The following ECM2 variants were observed in gnomAD, a reference collection of about 807,000 sequenced individuals.
The protein encoded by ECM2 is extracellular matrix protein 2.
A neutral mutation model predicts 67.5 loss-of-function variants in ECM2; 57 were observed. The observed-to-expected ratio is 0.84, with a 90% CI of 0.68 to 1.05. ECM2 has a LOEUF of 1.05. Among genes scored for constraint, ECM2 ranks in the 50% least tolerant of loss-of-function variants. The pLI is 0.00. For missense variants in ECM2, 741 were observed against 822.8 expected (o/e 0.90, Z 1.22); for synonymous variants, 258 against 294.5 (o/e 0.88, Z 1.27).
At chr9:92,552,243 A>G in the ECM2 span, among the ~76,000 whole-genome samples, 1 of 151,004 alleles carries the variant, frequency 6.6e-6, no homozygotes, top group Non-Finnish European at 1.5e-5. Context: ...CCACTTGTTG[A>G]TTGATGGGCA....
At position 92,517,697 on chromosome 9, in the gene ECM2, G is replaced by C; in HGVS notation, c.471C>G (p.Cys157Trp). Residue 157 changes from cysteine (C) to tryptophan (W), a missense_variant, in exon 3 of 10, where the codon TGC becomes TGG. Coordinates refer to ENST00000344604, the MANE Select transcript of ECM2 (RefSeq NM_001393.4). ...VIPEGECCPV[C>W]SATVSYSLLS... Reference sequence around the variant, plus strand: ...GCTAAATCTCTGTACCAGTAGCGGAGCAGACCGGGCAGCATTCCCCTTCAG... The same window carrying C: ...GCTAAATCTCTGTACCAGTAGCGGACCAGACCGGGCAGCATTCCCCTTCAG... 1 of 1,614,162 alleles carries C rather than the reference G, an allele frequency of 6.2e-7. No individual in the cohort carries two copies. The highest frequency in any genetic ancestry group is 1.3e-5 in the African/African-American group (1 of 75,046).
At chr9:92,541,399 T>G (rs1013459543), upstream of ECM2, among the ~76,000 whole-genome samples, 2 of 136,288 alleles carry the variant, frequency 1.5e-5, no homozygotes, top group African/African-American at 2.9e-5. Flanking sequence ...CAACCTCCAC[T>G]GCCACCCCCC....
At chr9:92,547,001 G>T in the ECM2 span, among the ~76,000 whole-genome samples, 3 of 152,148 alleles carry the variant, frequency 2.0e-5, no homozygotes, top group South Asian at 6.2e-4. Context: ...TTGCAGGTCA[G>T]TCTCACTAAT....
intron 3 of ECM2, among the ~76,000 whole-genome samples, chr9:92,515,706 A>T (rs1450655885): frequency 6.6e-6 from 1 of 152,144 alleles, no homozygotes; most frequent in African/African-American, 2.4e-5. Context: ...TTGCTTATAG[A>T]TTTGTCATTA....
chr9:92,523,022 AT>A, intron 1 of ECM2, 129 bp from the exon 2 acceptor site: 3 of 862,284 alleles, frequency 3.5e-6, no homozygotes, highest in Non-Finnish European at 5.1e-6. Flanking sequence ...TATGGACTAT[AT>A]GCTATAGTAT....
intron 2 of ECM2, 57 bp downstream of exon 2, chr9:92,522,518 C>T: frequency 1.4e-6 from 2 of 1,455,958 alleles, no homozygotes; most frequent in Non-Finnish European, 1.8e-6. Flanking sequence ...TCTCTTTCCC[C>T]ATACCATCTC....
chr9:92,524,030 A>G (rs1301922364), intron 1 of ECM2, among the ~76,000 whole-genome samples: 1 of 152,240 alleles, frequency 6.6e-6, no homozygotes, highest in African/African-American at 2.4e-5. Flanking sequence ...TGGATCAGAC[A>G]TGGCCCCCTC....
At chr9:92,551,940 T>TGATATATATATATGATATATATATG in the ECM2 span, among the ~76,000 whole-genome samples, 13 of 113,362 alleles carry the variant, frequency 1.1e-4, 1 homozygote, top group South Asian at 2.5e-4. Context: ...TATATATATA[T>TGATATATATATATGATATATATATG]ATATATATAT....
At chr9:92,540,018 C>G (rs1271072468), upstream of ECM2, among the ~76,000 whole-genome samples, 1 of 152,162 alleles carries the variant, frequency 6.6e-6, no homozygotes, top group Non-Finnish European at 1.5e-5. Flanking sequence ...ATTTTTTAAA[C>G]AGTTTTCACA....
chr9:92,554,647 G>GT, the ECM2 span, among the ~76,000 whole-genome samples: 2 of 151,446 alleles, frequency 1.3e-5, no homozygotes, highest in South Asian at 2.1e-4. Flanking sequence ...GTTTTGTTTT[G>GT]TTTTTTCCGA....
chr9:92,514,919 C>T lies in ECM2; in HGVS notation c.766G>A (p.Glu256Lys), dbSNP rs1209616915. The change falls in exon 4 of 10, where the codon GAG (glutamate) becomes AAG (lysine). Residue 256 changes from glutamate to lysine, a missense_variant. Transcript: ENST00000344604. ...TGCTGGTGTGCCAGCCTCCTCTCCT[C>T]TCCAGGCCTCTGCTTTCTGTCTCCT... ...RGGDRKQRPG[E>K]ERRLAHQQQR... is the part of the protein sequence containing the mutation. 1 of 1,614,028 alleles carries T rather than the reference C, an allele frequency of 6.2e-7. No homozygotes were observed. Among genetic ancestry groups the T allele is most frequent in the African/African-American group, 1.3e-5 (1 of 75,022 alleles).
the ECM2 span, among the ~76,000 whole-genome samples, chr9:92,556,190 A>G: frequency 6.6e-6 from 1 of 152,138 alleles, no homozygotes; most frequent in East Asian, 1.9e-4. Context: ...ATGTATTTAC[A>G]TGGTTTTGAA....
chr9:92,555,972 A>G, the ECM2 span, among the ~76,000 whole-genome samples: 4 of 151,754 alleles, frequency 2.6e-5, no homozygotes, highest in South Asian at 8.3e-4. Flanking sequence ...TAGTTCCTTG[A>G]GTTGTGACCT....
At chr9:92,546,337 C>G in the ECM2 span, among the ~76,000 whole-genome samples, 2 of 152,200 alleles carry the variant, frequency 1.3e-5, no homozygotes, top group Admixed American at 6.5e-5. Flanking sequence ...CAGAGGTCCC[C>G]TTCCACTGTG....
rs113884415 is a variant in ECM2 at position 92,502,926 on chromosome 9, G to A, written c.1465-274C>T. ...AGGCTCAAGTGATCCTACCACCTCA[G>A]TCCCACAAGTGACTGAGACTACAGG... On this transcript the variant is annotated intron_variant, in intron 7 of 9. Coordinates refer to ENST00000344604, the MANE Select transcript of ECM2 (RefSeq NM_001393.4). Among the ~76,000 whole-genome samples the A allele has an allele frequency of 1.1e-4, 16 of 149,448 alleles. 1 individual carries two copies. Among genetic ancestry groups the A allele is most frequent in the African/African-American group, 3.9e-4 (16 of 40,600 alleles).
downstream of ECM2, chr9:92,494,286 A>G (rs1401326313): frequency 5.6e-6 from 4 of 710,276 alleles, no homozygotes; most frequent in African/African-American, 1.8e-5. Context: ...TACAGCTTAG[A>G]TTGCCTTAAA....
At chr9:92,505,986 G>A (rs897846137) in intron 6 of ECM2, among the ~76,000 whole-genome samples, 5 of 152,120 alleles carry the variant, frequency 3.3e-5, no homozygotes, top group Admixed American at 1.3e-4. Context: ...AGAGAGGGAG[G>A]GAGATAGGAA....
intron 1 of ECM2, 93 bp from the exon 2 acceptor site, chr9:92,522,986 G>T: frequency 1.7e-6 from 2 of 1,211,428 alleles, no homozygotes; most frequent in Non-Finnish European, 2.2e-6. Flanking sequence ...CAGTAGGCAA[G>T]TCTTTGAGAA....
intron 1 of ECM2, among the ~76,000 whole-genome samples, chr9:92,534,111 A>T: frequency 6.6e-6 from 1 of 151,962 alleles, no homozygotes; most frequent in East Asian, 1.9e-4. Context: ...TCAAGGGTAC[A>T]TTTTTCCTCT....
Sources: allele counts gnomAD v4.1 joint callset (sites outside exome capture counted in the v4.1 genomes callset), GRCh38; gene constraint gnomAD v4.1.1; transcripts MANE v1.5; gene names NCBI Gene and HGNC (gene_info 2026-07-23, HGNC 2026-07-21).